Variants in CNTNAP4 observed in about 807,000 individuals in gnomAD.
CNTNAP4 encodes contactin associated protein family member 4, also known as contactin-associated protein-like 4.
A neutral mutation model predicts 148.4 loss-of-function variants in CNTNAP4; 98 were observed. The ratio of observed to expected loss-of-function variants is 0.66; its 90% CI spans 0.56 to 0.78. CNTNAP4 has a LOEUF of 0.78. Ranked by LOEUF, CNTNAP4 falls within the 30% of genes least tolerant of loss-of-function variation. The pLI is 0.00. For synonymous variants in CNTNAP4, 730 were observed against 565.1 expected (o/e 1.29, Z -4.14); for missense variants, 1,935 against 1,565.6 (o/e 1.24, Z -3.98).
At chr16:76,326,657 A>G (rs1335615471) in intron 2 of CNTNAP4, among the ~76,000 whole-genome samples, 1 of 152,204 alleles carries the variant, frequency 6.6e-6, no homozygotes, top group Non-Finnish European at 1.5e-5. Flanking sequence ...AGGGACATGG[A>G]TAAAGCTGGA....
chr16:76,331,356 T>G (rs71394257), intron 2 of CNTNAP4, among the ~76,000 whole-genome samples: 39,403 of 151,694 alleles, frequency 0.26, 5,908 homozygotes, highest in Non-Finnish European at 0.35. Flanking sequence ...CTCGGCTAAT[T>G]TTTTGTATTT....
intron 2 of CNTNAP4, among the ~76,000 whole-genome samples, chr16:76,333,779 GTTTTTT>G (rs549878036): frequency 8.8e-5 from 4 of 45,604 alleles, no homozygotes; most frequent in Non-Finnish European, 1.3e-4. Flanking sequence ...TGGGTTATAG[GTTTTTT>G]TTTTTTTTTT....
chr16:76,505,964 T>G (rs1473570892), intron 15 of CNTNAP4, among the ~76,000 whole-genome samples: 1 of 97,830 alleles, frequency 1.0e-5, no homozygotes, highest in African/African-American at 2.6e-5. Context: ...AGTAAATTCA[T>G]GGAACAGTAA....
rs114152583 is a variant in CNTNAP4 at position 76,501,155 on chromosome 16, A to G, written c.2365+2461A>G. Among the ~76,000 whole-genome samples the G allele has an allele frequency of 3.2e-3, 485 of 152,336 alleles. 2 individuals carry two copies. Among genetic ancestry groups the G allele is most frequent in the African/African-American group, 0.011 (469 of 41,586 alleles). ...ATGTATCACCTCTACTTCCTGTTCT[A>G]CCAGTGAGCCTTACACAATCCCATG... On this transcript the variant is annotated intron_variant, in intron 15 of 23. Coordinates refer to ENST00000611870, the MANE Select transcript of CNTNAP4 (RefSeq NM_033401.5).
At chr16:76,433,317 T>A in intron 4 of CNTNAP4, among the ~76,000 whole-genome samples, 1 of 152,164 alleles carries the variant, frequency 6.6e-6, no homozygotes, top group Non-Finnish European at 1.5e-5. Context: ...AGATTGGACA[T>A]GATGAGCAAA....
At chr16:76,331,257 G>T (rs546423232) in intron 2 of CNTNAP4, among the ~76,000 whole-genome samples, 3 of 151,380 alleles carry the variant, frequency 2.0e-5, no homozygotes, top group East Asian at 1.9e-4. Flanking sequence ...GCGCGATCTC[G>T]GCTCACTGTA....
intron 1 of CNTNAP4, among the ~76,000 whole-genome samples, chr16:76,311,279 A>G (rs1389409980): frequency 1.3e-5 from 2 of 152,166 alleles, no homozygotes; most frequent in African/African-American, 4.8e-5. Context: ...GATGCAAGCT[A>G]TAGTGAAGGA....
At chr16:76,316,857 A>T (rs373517241) in intron 2 of CNTNAP4, among the ~76,000 whole-genome samples, 1 of 152,348 alleles carries the variant, frequency 6.6e-6, no homozygotes, top group East Asian at 1.9e-4. Context: ...AGTAATTTTC[A>T]AAAACGCTAA....
At chr16:76,495,925 A>T (rs1182124156) in intron 14 of CNTNAP4, among the ~76,000 whole-genome samples, 1 of 152,076 alleles carries the variant, frequency 6.6e-6, no homozygotes, top group African/African-American at 2.4e-5. Context: ...TATTTCATTT[A>T]GTTAGGAAAC....
chr16:76,456,622 CAGA>C (rs146461612), intron 8 of CNTNAP4, among the ~76,000 whole-genome samples: 63,158 of 151,742 alleles, frequency 0.42, 13,235 homozygotes, highest in Middle Eastern at 0.48. Context: ...TGATGTTCAA[CAGA>C]AGAACACCAA....
chr16:76,281,764 G>A (rs1357588069), intron 1 of CNTNAP4, among the ~76,000 whole-genome samples: 6 of 151,796 alleles, frequency 4.0e-5, no homozygotes, highest in Non-Finnish European at 8.8e-5. Context: ...GACTGTTTTT[G>A]TATGACCCAT....
intron 1 of CNTNAP4, among the ~76,000 whole-genome samples, chr16:76,305,945 C>T (rs902315395): frequency 1.3e-5 from 2 of 152,126 alleles, no homozygotes; most frequent in South Asian, 4.1e-4. Flanking sequence ...TTTACTTAAG[C>T]TTATGGCTTC....
intron 9 of CNTNAP4, among the ~76,000 whole-genome samples, chr16:76,462,497 G>C (rs2081014474): frequency 1.3e-5 from 2 of 152,052 alleles, no homozygotes; most frequent in Admixed American, 1.3e-4. Flanking sequence ...CTTCCCTACT[G>C]TCCAGTACAG....
chr16:76,485,839 G>T (rs143044561), intron 12 of CNTNAP4, among the ~76,000 whole-genome samples: 44 of 152,248 alleles, frequency 2.9e-4, no homozygotes, highest in Non-Finnish European at 5.3e-4. Flanking sequence ...TTATTCAAAT[G>T]CAGTCTTATT....
chr16:76,284,724 C>G (rs564889344), intron 1 of CNTNAP4, among the ~76,000 whole-genome samples: 3 of 152,026 alleles, frequency 2.0e-5, no homozygotes, highest in African/African-American at 7.2e-5. Flanking sequence ...AGCTCTTAAG[C>G]TGTGATTGTC....
intron 2 of CNTNAP4, among the ~76,000 whole-genome samples, chr16:76,339,709 C>T (rs550623358): frequency 3.3e-4 from 50 of 152,284 alleles, no homozygotes; most frequent in African/African-American, 1.0e-3. Flanking sequence ...TAATTTATTT[C>T]CATTTCTCTG....
intron 12 of CNTNAP4, among the ~76,000 whole-genome samples, chr16:76,480,786 A>T (rs1333250593): frequency 6.6e-6 from 1 of 152,206 alleles, no homozygotes; most frequent in Non-Finnish European, 1.5e-5. Context: ...ATATTGTATA[A>T]TATCAGTTCT....
At chr16:76,309,259 C>G (rs901211230) in intron 1 of CNTNAP4, among the ~76,000 whole-genome samples, 2 of 151,814 alleles carry the variant, frequency 1.3e-5, no homozygotes, top group South Asian at 4.2e-4. Flanking sequence ...GGGGAAAGCT[C>G]CAGGGTATGG....
Position 76,489,879 on chromosome 16 carries a change from G to A in CNTNAP4, c.2076G>A (p.Lys692=). The change falls in exon 13 of 24, where the codon AAG becomes AAA. Residue 692 remains lysine (K), a synonymous_variant. Transcript: ENST00000611870. ...YYCKKSRLVN[K]QDGTPLSWWV... is the part of the protein sequence containing the mutation. ...GCAAGAAGTCACGGCTGGTCAATAA[G>A]CAAGGTAAGTAAACCATGGTGTCTG... The A allele has an allele frequency of 1.3e-6, 2 of 1,544,874 alleles. No homozygotes were observed. The highest frequency in any genetic ancestry group is 1.4e-5 in the African/African-American group (1 of 73,680).
Sources: allele counts gnomAD v4.1 joint callset (sites outside exome capture counted in the v4.1 genomes callset), GRCh38; gene constraint gnomAD v4.1.1; transcripts MANE v1.5; gene names NCBI Gene and HGNC (gene_info 2026-07-23, HGNC 2026-07-21).